HSPA14: variants seen among roughly 807,000 people sequenced by gnomAD.
HSPA14 encodes heat shock 70 kDa protein 14.
In HSPA14, 37 loss-of-function variants were observed where a neutral mutation model predicts 65.5. The observed-to-expected ratio is 0.56, with a 90% CI of 0.43 to 0.74. The LOEUF is 0.74. Among genes scored for constraint, HSPA14 ranks in the 30% least tolerant of loss-of-function variants. HSPA14 has a pLI of 0.00. For missense variants in HSPA14, 564 were observed against 607.6 expected (o/e 0.93, Z 0.75); for synonymous variants, 203 against 214.2 (o/e 0.95, Z 0.46).
Position 14,842,529 on chromosome 10 carries a change from C to G in HSPA14, c.221+2372C>G, listed in dbSNP as rs1240236902. ...TTAAAGGCCTATGTTGCCCATGCCA[C>G]AAGTATGGGTGAGCCACCACACTGT... On this transcript the variant is annotated intron_variant, in intron 3 of 13. Transcript: ENST00000378372. The surrounding 1 kb of genome is among the most constrained non-coding windows in gnomAD (Gnocchi z 5.2). 1 of 1,536,188 alleles carries G rather than the reference C, an allele frequency of 6.5e-7. No individual in the cohort carries two copies. Among genetic ancestry groups the G allele is most frequent in the South Asian group, 1.2e-5 (1 of 84,064 alleles).
At chr10:14,848,972 T>C in intron 5 of HSPA14, 77 bp downstream of exon 5, 1 of 769,310 alleles carries the variant, frequency 1.3e-6, no homozygotes, top group Non-Finnish European at 2.1e-6. Flanking sequence ...GTTAGAGGTA[T>C]TTTTAGATCT....
rs575766811 is a variant in HSPA14, at chr10:14,870,778, A to G, written c.1451+111A>G. On this transcript the variant is annotated intron_variant, in intron 13 of 13. Transcript: ENST00000378372. ...ATTCTAGAAGAAACATTAAAAACCTACAGAGGTTTTTATCAGTGAATTACA... is the reference window on the plus strand; with the variant it reads ...ATTCTAGAAGAAACATTAAAAACCTGCAGAGGTTTTTATCAGTGAATTACA... 23 of 1,056,678 alleles carry G rather than the reference A, an allele frequency of 2.2e-5. No homozygotes were observed. In the South Asian group the frequency reaches 2.8e-4, roughly 13 times the overall value. 65.5% of individuals were successfully genotyped at this position (1,056,678 alleles called of 1,614,324 possible).
chr10:14,865,222 G>A (rs1023240878), intron 10 of HSPA14, among the ~76,000 whole-genome samples: 2 of 152,094 alleles, frequency 1.3e-5, no homozygotes, highest in Non-Finnish European at 2.9e-5. Context: ...GTGGATATTA[G>A]CCCTTTGTCA....
intron 1 of HSPA14, among the ~76,000 whole-genome samples, chr10:14,838,873 A>C (rs984967147): frequency 1.3e-5 from 2 of 151,900 alleles, no homozygotes; most frequent in Admixed American, 6.5e-5. Flanking sequence ...TGGATGCCGG[A>C]AGGGGTCTCG....
Position 14,867,102 on chromosome 10 carries a change from C to T in HSPA14, c.1013C>T (p.Ser338Phe). The change falls in exon 11 of 14, where the codon TCT (serine) becomes TTT (phenylalanine). Residue 338 changes from serine to phenylalanine, a missense_variant. Transcript: ENST00000378372. ...DINKVVLCGG[S>F]SRIPKLQQLI... ...CTCTAGGTTGTCCTTTGTGGAGGGT[C>T]TTCTCGAATCCCAAAGCTACAGCAA... The T allele has an allele frequency of 6.2e-7, 1 of 1,613,082 alleles. No individual in the cohort carries two copies. Among genetic ancestry groups the T allele is most frequent in the Non-Finnish European group, 8.5e-7 (1 of 1,179,196 alleles).
intron 5 of HSPA14, chr10:14,849,479 C>T: frequency 1.7e-6 from 1 of 603,952 alleles, no homozygotes; most frequent in Non-Finnish European, 3.2e-6. Flanking sequence ...ATGGTTGATA[C>T]TGAAGCCTAA....
intron 10 of HSPA14, among the ~76,000 whole-genome samples, chr10:14,861,740 T>A (rs1371090144): frequency 6.6e-6 from 1 of 152,070 alleles, no homozygotes; most frequent in Non-Finnish European, 1.5e-5. Flanking sequence ...TCAGCCAGGC[T>A]CGGTAGCTCA....
Position 14,846,329 on chromosome 10 carries a change from CAG to C in HSPA14, c.222-2279_222-2278del, listed in dbSNP as rs777634629. On this transcript the variant is annotated intron_variant, in intron 3 of 13. Transcript: ENST00000378372. ...ATTAATGGTAGCAAAGTGCATAAGA[CAG>C]GGATTTCTTTGAGATGAAAGGAGTG... 8 of 985,144 alleles carry C rather than the reference CAG, an allele frequency of 8.1e-6. No homozygotes were observed. The East Asian group carries it at 3.4e-4, about 42-fold the overall frequency. 61.0% of individuals were successfully genotyped at this position (985,144 alleles called of 1,614,324 possible). A position where few individuals can be genotyped will look rare whatever the true frequency, so the allele number is the denominator to read the frequency against.
At chr10:14,868,386 T>A (rs2131651317) in intron 12 of HSPA14, among the ~76,000 whole-genome samples, 1 of 152,312 alleles carries the variant, frequency 6.6e-6, no homozygotes, top group African/African-American at 2.4e-5. Context: ...ATAGGTTTGC[T>A]TTTTTAAAAT....
chr10:14,846,090 G>A (rs1834048773), intron 3 of HSPA14: 1 of 982,736 alleles, frequency 1.0e-6, no homozygotes, highest in Non-Finnish European at 1.2e-6. Flanking sequence ...ATATGCTCAT[G>A]AACTTCTAAG....
intron 10 of HSPA14, among the ~76,000 whole-genome samples, chr10:14,866,421 T>C (rs1051930990): frequency 6.6e-6 from 1 of 152,206 alleles, no homozygotes; most frequent in Non-Finnish European, 1.5e-5. Flanking sequence ...TTGATTTCCC[T>C]TCTTAGGTTA....
At chr10:14,861,770 T>G (rs145230082) in intron 10 of HSPA14, among the ~76,000 whole-genome samples, 1 of 152,020 alleles carries the variant, frequency 6.6e-6, no homozygotes, top group South Asian at 2.1e-4. Context: ...CCCCAGCACA[T>G]TGGGAGGCCA....
intron 3 of HSPA14, among the ~76,000 whole-genome samples, 192 bp from the exon 4 acceptor site, chr10:14,848,417 C>T (rs1834080910): frequency 6.6e-6 from 1 of 152,194 alleles, no homozygotes; most frequent in Non-Finnish European, 1.5e-5. Flanking sequence ...AGTAGAATTA[C>T]TATAACCCTT....
chr10:14,870,684 CTGT>C lies in HSPA14; in HGVS notation c.1451+22_1451+24del, dbSNP rs761361837. On this transcript the variant is annotated intron_variant, in intron 13 of 13. Transcript: ENST00000378372. ...TATGAAAAGGTAAAAAATTAAACTT[CTGT>C]TGTTAAGAAAATTCAATTTGATACT... The C allele has an allele frequency of 2.6e-6, 4 of 1,533,952 alleles. No homozygotes were observed. Among genetic ancestry groups the C allele is most frequent in the Non-Finnish European group, 3.5e-6 (4 of 1,133,452 alleles).
intron 10 of HSPA14, among the ~76,000 whole-genome samples, chr10:14,859,312 G>A (rs144597770): frequency 2.6e-5 from 4 of 152,246 alleles, no homozygotes; most frequent in East Asian, 3.9e-4. Context: ...TTTCACTTCT[G>A]TGCTTCACCC....
chr10:14,851,116 G>A (rs1024522293), intron 6 of HSPA14, 103 bp from the exon 7 acceptor site: 1 of 693,360 alleles, frequency 1.4e-6, no homozygotes, highest in Non-Finnish European at 2.5e-6. Flanking sequence ...TTCTACTTAT[G>A]AAATTTTAGT....
intron 9 of HSPA14, among the ~76,000 whole-genome samples, chr10:14,855,580 C>T (rs535678285): frequency 2.0e-5 from 3 of 152,254 alleles, no homozygotes; most frequent in African/African-American, 7.2e-5. Context: ...GCAAGATGGG[C>T]TTTCACTTGA....
rs756684487 is a variant in HSPA14 at position 14,867,085 on chromosome 10, T to G, written c.996T>G (p.Val332=). ...TGAAAATTATTTTTATTCTCTAGGT[T>G]GTCCTTTGTGGAGGGTCTTCTCGAA... ...NGFTADDINK[V]VLCGGSSRIP... The change falls in exon 11 of 14, where the codon GTT becomes GTG. Residue 332 remains valine (V), a splice_region_variant and synonymous_variant. Transcript: ENST00000378372. The G allele has an allele frequency of 6.2e-7, 1 of 1,608,636 alleles. No homozygotes were observed. Among genetic ancestry groups the G allele is most frequent in the Admixed American group, 1.7e-5 (1 of 59,994 alleles).
chr10:14,856,662 G>C (rs192363962), intron 10 of HSPA14, among the ~76,000 whole-genome samples: 94 of 152,196 alleles, frequency 6.2e-4, no homozygotes, highest in African/African-American at 2.2e-3. Flanking sequence ...AGGAGTAGAA[G>C]ACTAGCCTTG....
Sources: allele counts gnomAD v4.1 joint callset (sites outside exome capture counted in the v4.1 genomes callset), GRCh38; gene constraint gnomAD v4.1.1; non-coding constraint Gnocchi (gnomAD v3.1); transcripts MANE v1.5; gene names NCBI Gene and HGNC (gene_info 2026-07-23, HGNC 2026-07-21).